LOXHD1: variants seen among roughly 807,000 people sequenced by gnomAD.
LOXHD1 encodes lipoxygenase homology PLAT domains 1.
In LOXHD1, 205 loss-of-function variants were observed where a neutral mutation model predicts 248.2. The ratio of observed to expected loss-of-function variants is 0.83; its 90% CI spans 0.74 to 0.93. The LOEUF (loss-of-function observed/expected upper bound fraction) is 0.93, where lower values mean the gene tolerates loss of function less well. LOXHD1 is among the 40% of genes least tolerant of loss of function. The pLI, the probability that LOXHD1 is intolerant of heterozygous loss-of-function variation, is 0.00. For missense variants in LOXHD1, 2,930 were observed against 2,971.6 expected, an observed-to-expected ratio of 0.99 and a Z score of 0.33; for synonymous variants, 1,113 against 1,162.8, an observed-to-expected ratio of 0.96 and a Z score of 0.87.
chr18:46,533,368 G>A (rs1184682300), intron 27 of LOXHD1, 44 bp from the exon 28 acceptor site: 2 of 1,546,068 alleles, frequency 1.3e-6, no homozygotes, highest in Non-Finnish European at 1.7e-6. Context: ...TAATGTGAAA[G>A]CTGCCAACTT....
intron 37 of LOXHD1, among the ~76,000 whole-genome samples, chr18:46,505,161 T>C (rs2034479203): frequency 6.6e-6 from 1 of 152,132 alleles, no homozygotes. Context: ...GGATTACTAT[T>C]ATGAATAAAC....
chr18:46,571,446 G>A (rs981111437), intron 15 of LOXHD1, among the ~76,000 whole-genome samples: 9 of 152,116 alleles, frequency 5.9e-5, no homozygotes, highest in African/African-American at 1.4e-4. Context: ...CTCCAGCCTC[G>A]TTGACAGAGT....
intron 12 of LOXHD1, among the ~76,000 whole-genome samples, chr18:46,582,984 A>G (rs979133020): frequency 3.3e-5 from 5 of 152,230 alleles, no homozygotes; most frequent in Non-Finnish European, 5.9e-5. Context: ...GGAAGACAGG[A>G]GTAGTGTAGT....
At chr18:46,639,035 T>G (rs1049338693) in intron 4 of LOXHD1, among the ~76,000 whole-genome samples, 4 of 152,216 alleles carry the variant, frequency 2.6e-5, no homozygotes, top group African/African-American at 9.7e-5. Flanking sequence ...GGCCAGAACT[T>G]TGGGGGACAA....
chr18:46,585,404 T>C (rs2038040755), intron 12 of LOXHD1, among the ~76,000 whole-genome samples: 1 of 152,164 alleles, frequency 6.6e-6, no homozygotes, highest in Non-Finnish European at 1.5e-5. Context: ...TTGCAATGAA[T>C]AGTCTGAAAG....
chr18:46,483,759 A>C lies in LOXHD1; in HGVS notation c.6183-14T>G. 4 of 1,549,838 alleles carry C rather than the reference A, an allele frequency of 2.6e-6. No homozygotes were observed. Among genetic ancestry groups the C allele is most frequent in the Non-Finnish European group, 3.5e-6 (4 of 1,145,858 alleles). ...TCTGTGGTCCCCCTGCAGGAAACAAAAGTGTGGTCCATGAGCTGCCTTTGC... is the reference window on the plus strand; with the variant it reads ...TCTGTGGTCCCCCTGCAGGAAACAACAGTGTGGTCCATGAGCTGCCTTTGC... On this transcript the variant is annotated splice_polypyrimidine_tract_variant and intron_variant, in intron 39 of 40. Coordinates refer to ENST00000642948, the MANE Select transcript of LOXHD1 (RefSeq NM_001384474.1).
chr18:46,547,666 G>T (rs891431186), intron 21 of LOXHD1, among the ~76,000 whole-genome samples: 1 of 152,078 alleles, frequency 6.6e-6, no homozygotes, highest in African/African-American at 2.4e-5. Context: ...GGGAGGCACA[G>T]TGGGGTAATT....
chr18:46,540,215 G>C (rs2036497748), intron 25 of LOXHD1, among the ~76,000 whole-genome samples: 1 of 152,184 alleles, frequency 6.6e-6, no homozygotes, highest in East Asian at 1.9e-4. Context: ...ACCCAGGCTT[G>C]CCTGACCTTA....
chr18:46,628,643 G>A (rs1599060950), intron 4 of LOXHD1, among the ~76,000 whole-genome samples: 1 of 152,294 alleles, frequency 6.6e-6, no homozygotes, highest in East Asian at 1.9e-4. Context: ...CTTTCTGAGA[G>A]GTTAGAATCT....
chr18:46,523,479 G>C (rs1019761309), intron 31 of LOXHD1, among the ~76,000 whole-genome samples: 1 of 152,122 alleles, frequency 6.6e-6, no homozygotes, highest in African/African-American at 2.4e-5. Context: ...GCCTACCTTT[G>C]GACTTTTATG....
At chr18:46,540,179 A>G (rs2144343552) in intron 25 of LOXHD1, among the ~76,000 whole-genome samples, 1 of 152,316 alleles carries the variant, frequency 6.6e-6, no homozygotes, top group Middle Eastern at 3.4e-3. Context: ...ACTTGCCCAA[A>G]GTCACATGGT....
chr18:46,520,465 T>A (rs1406704277), intron 33 of LOXHD1: 2 of 370,382 alleles, frequency 5.4e-6, no homozygotes, highest in Non-Finnish European at 1.1e-5. Flanking sequence ...CTGTGTGTCC[T>A]CAGATCCTAG....
intron 19 of LOXHD1, 31 bp downstream of exon 19, chr18:46,560,052 T>TCTC: frequency 6.8e-6 from 3 of 441,130 alleles, no homozygotes; most frequent in Middle Eastern, 3.8e-4. Flanking sequence ...GGCCACTCCC[T>TCTC]CCCCACCCCC....
At chr18:46,497,409 A>T (rs797015432) in intron 37 of LOXHD1, among the ~76,000 whole-genome samples, 33 of 152,348 alleles carry the variant, frequency 2.2e-4, no homozygotes, top group African/African-American at 7.9e-4. Context: ...ACGTTTTTGC[A>T]TAGTAGAAAA....
intron 29 of LOXHD1, among the ~76,000 whole-genome samples, chr18:46,525,405 G>T (rs1037256424): frequency 1.3e-5 from 2 of 152,260 alleles, no homozygotes; most frequent in Non-Finnish European, 1.5e-5. Flanking sequence ...TGCTGAGAGG[G>T]AGTTAGATGA....
chr18:46,644,241 A>G (rs1473153704), intron 2 of LOXHD1, among the ~76,000 whole-genome samples: 1 of 152,152 alleles, frequency 6.6e-6, no homozygotes, highest in African/African-American at 2.4e-5. Flanking sequence ...AGAAACAGCC[A>G]TTGCCAGCAA....
intron 4 of LOXHD1, among the ~76,000 whole-genome samples, chr18:46,632,601 GA>G (rs767212543): frequency 2.0e-5 from 3 of 152,128 alleles, no homozygotes; most frequent in Non-Finnish European, 4.4e-5. Context: ...AATCCACCAG[GA>G]AGACAGTCAC....
intron 25 of LOXHD1, among the ~76,000 whole-genome samples, chr18:46,538,827 C>T (rs2036434287): frequency 1.3e-5 from 2 of 152,140 alleles, no homozygotes; most frequent in Non-Finnish European, 2.9e-5. Flanking sequence ...CGGTAGTGAG[C>T]ATTCTTTCAC....
At chr18:46,565,892 G>T (rs1206041412) in intron 17 of LOXHD1, among the ~76,000 whole-genome samples, 3 of 150,844 alleles carry the variant, frequency 2.0e-5, no homozygotes, top group South Asian at 2.1e-4. Context: ...ATTTTTTTTT[G>T]AATAAATGAA....
Sources: allele counts gnomAD v4.1 joint callset (sites outside exome capture counted in the v4.1 genomes callset), GRCh38; gene constraint gnomAD v4.1.1; transcripts MANE v1.5; gene names NCBI Gene and HGNC (gene_info 2026-07-23, HGNC 2026-07-21).